SORCS3: variants seen among roughly 807,000 people sequenced by gnomAD.
SORCS3 encodes the protein VPS10 domain-containing receptor SorCS3.
Under a neutral mutation model 146.3 loss-of-function variants are expected in SORCS3, and 57 were observed. The observed-to-expected ratio is 0.39, with a 90% CI of 0.31 to 0.49. The LOEUF is 0.49. Among genes scored for constraint, SORCS3 ranks in the 20% least tolerant of loss-of-function variants. The pLI is 0.92. For missense variants in SORCS3, 1,341 were observed against 1,575.5 expected, an observed-to-expected ratio of 0.85 and a Z score of 2.52; for synonymous variants, 653 against 618.5, an observed-to-expected ratio of 1.06 and a Z score of -0.83.
chr10:105,124,043 C>T (rs1452214289), intron 7 of SORCS3, among the ~76,000 whole-genome samples: 1 of 152,170 alleles, frequency 6.6e-6, no homozygotes. Context: ...TCATGACTGG[C>T]GGATCCATGC....
intron 1 of SORCS3, among the ~76,000 whole-genome samples, chr10:104,654,340 G>A (rs1440200922): frequency 6.6e-6 from 1 of 152,156 alleles, no homozygotes; most frequent in Non-Finnish European, 1.5e-5. Context: ...TTGCTGGATT[G>A]TATGATACCT....
intron 3 of SORCS3, among the ~76,000 whole-genome samples, chr10:104,975,745 G>C (rs1268226908): frequency 6.6e-6 from 1 of 152,130 alleles, no homozygotes; most frequent in Admixed American, 6.5e-5. Context: ...AGAGCCCTCA[G>C]AAATAAAGCC....
intron 1 of SORCS3, among the ~76,000 whole-genome samples, chr10:104,841,385 G>A (rs1589519990): frequency 6.6e-6 from 1 of 152,164 alleles, no homozygotes; most frequent in Non-Finnish European, 1.5e-5. Flanking sequence ...TAGGTAGTAG[G>A]ACAGGTAGCT....
At chr10:104,919,136 C>A (rs976262925) in intron 3 of SORCS3, among the ~76,000 whole-genome samples, 1 of 152,146 alleles carries the variant, frequency 6.6e-6, no homozygotes, top group Non-Finnish European at 1.5e-5. Flanking sequence ...ATACCACCTC[C>A]ATTTATCCTT....
At chr10:105,001,365 G>T (rs2055059501) in intron 4 of SORCS3, among the ~76,000 whole-genome samples, 2 of 152,144 alleles carry the variant, frequency 1.3e-5, no homozygotes, top group Non-Finnish European at 2.9e-5. Flanking sequence ...ACTGTAGAGG[G>T]GCAAGGGCTG....
At chr10:104,721,069 G>A (rs2016541718) in intron 1 of SORCS3, among the ~76,000 whole-genome samples, 2 of 152,122 alleles carry the variant, frequency 1.3e-5, no homozygotes, top group Non-Finnish European at 1.5e-5. Context: ...TGTCCTGAAT[G>A]GTATTACCTA....
chr10:104,789,900 C>T (rs2017476992), intron 1 of SORCS3, among the ~76,000 whole-genome samples: 1 of 152,194 alleles, frequency 6.6e-6, no homozygotes, highest in Non-Finnish European at 1.5e-5. Context: ...TTGGCTGTCC[C>T]AGTGTGCAAC....
chr10:105,218,388 T>C (rs1458094417), intron 19 of SORCS3, among the ~76,000 whole-genome samples: 1 of 152,252 alleles, frequency 6.6e-6, no homozygotes, highest in Non-Finnish European at 1.5e-5. Context: ...CAAAAATTTG[T>C]TGAAGTCTTA....
chr10:105,155,579 G>A (rs1361463361), intron 9 of SORCS3, among the ~76,000 whole-genome samples: 2 of 152,208 alleles, frequency 1.3e-5, no homozygotes, highest in Non-Finnish European at 2.9e-5. Flanking sequence ...TAGTAGTCAG[G>A]TTTAGGAGAT....
chr10:105,190,991 G>T (rs1185460885), intron 14 of SORCS3, among the ~76,000 whole-genome samples: 1 of 152,200 alleles, frequency 6.6e-6, no homozygotes, highest in African/African-American at 2.4e-5. Flanking sequence ...TAAGTTTAAA[G>T]TGTGTAAGGA....
intron 7 of SORCS3, among the ~76,000 whole-genome samples, chr10:105,129,576 T>C (rs1204068384): frequency 6.6e-6 from 1 of 152,018 alleles, no homozygotes; most frequent in Non-Finnish European, 1.5e-5. Context: ...TCCTGAATTT[T>C]GGACACTAGG....
intron 1 of SORCS3, among the ~76,000 whole-genome samples, chr10:104,760,502 C>T (rs369126904): frequency 3.7e-4 from 56 of 152,272 alleles, no homozygotes; most frequent in African/African-American, 1.3e-3. Context: ...CCAAGTTGAA[C>T]ATTTTTCTCA....
At chr10:104,836,123 A>G (rs1173101045) in intron 1 of SORCS3, among the ~76,000 whole-genome samples, 4 of 152,134 alleles carry the variant, frequency 2.6e-5, no homozygotes, top group Non-Finnish European at 4.4e-5. Flanking sequence ...GTGAATTTAG[A>G]CCAGGAGATA....
intron 20 of SORCS3, among the ~76,000 whole-genome samples, chr10:105,230,149 G>T (rs2056758472): frequency 6.6e-6 from 1 of 152,068 alleles, no homozygotes; most frequent in Non-Finnish European, 1.5e-5. Context: ...ACTGGTTGTG[G>T]TAGACTAGGC....
At chr10:104,918,623 C>T (rs546159776) in intron 3 of SORCS3, among the ~76,000 whole-genome samples, 1 of 152,278 alleles carries the variant, frequency 6.6e-6, no homozygotes, top group East Asian at 1.9e-4. Context: ...ACCCAGCCAA[C>T]TCAACAGGTT....
chr10:105,107,476 G>C (rs2055830584), intron 7 of SORCS3, among the ~76,000 whole-genome samples: 1 of 151,972 alleles, frequency 6.6e-6, no homozygotes, highest in African/African-American at 2.4e-5. Flanking sequence ...GTTCCATAAA[G>C]TTTGCTGTAA....
At chr10:104,685,879 C>A (rs997995029) in intron 1 of SORCS3, among the ~76,000 whole-genome samples, 5 of 152,276 alleles carry the variant, frequency 3.3e-5, no homozygotes, top group Middle Eastern at 3.4e-3. Context: ...CCTAGTGAGA[C>A]CCAGTAGAAC....
At chr10:105,196,050 C>CT (rs11449674) in intron 14 of SORCS3, among the ~76,000 whole-genome samples, 50,623 of 151,972 alleles carry the variant, frequency 0.33, 8,558 homozygotes, top group South Asian at 0.48. Flanking sequence ...ACAGAACAAT[C>CT]GAACAAGTCT....
At chr10:104,886,265 C>A (rs890509703) in intron 2 of SORCS3, among the ~76,000 whole-genome samples, 1 of 152,080 alleles carries the variant, frequency 6.6e-6, no homozygotes, top group East Asian at 1.9e-4. Flanking sequence ...ATGTGAGCAG[C>A]CAAATCTATT....
Sources: gnomAD v4.1 joint callset for allele counts (sites outside exome capture counted in the v4.1 genomes callset) on GRCh38, gnomAD v4.1.1 for gene constraint, MANE v1.5 for transcripts, NCBI Gene and HGNC (gene_info 2026-07-23, HGNC 2026-07-21) for gene names.